The following DNAH11 variants were observed in gnomAD, a reference collection of about 807,000 sequenced individuals.
The protein encoded by DNAH11 is axonemal beta dynein heavy chain 11.
Under a neutral mutation model 526.0 loss-of-function variants are expected in DNAH11, and 442 were observed. The ratio of observed to expected loss-of-function variants is 0.84; its 90% CI spans 0.78 to 0.91. DNAH11 has a LOEUF of 0.91. Among genes scored for constraint, DNAH11 ranks in the 40% least tolerant of loss-of-function variants. The probability of loss-of-function intolerance (pLI) is 0.00; values close to 1 mark genes in which losing one functional copy is unlikely to be tolerated. For synonymous variants in DNAH11, 2,461 were observed against 1,935.9 expected (o/e 1.27, Z -7.12); for missense variants, 6,989 against 5,448.7 (o/e 1.28, Z -8.90).
At position 21,862,027 on chromosome 7, in the gene DNAH11, A is replaced by G. The variant is rs947563533; in HGVS notation, c.11373+4A>G. On this transcript the variant is annotated splice_donor_region_variant and intron_variant, in intron 69 of 81. Transcript: ENST00000409508. ...CCTGTCCCAGATGGCTTTTCAGGTA[A>G]GGAGATCAGTTACTTGAAAAAGGAT... The G allele has an allele frequency of 4.4e-6, 7 of 1,607,718 alleles. No individual in the cohort carries two copies. The highest frequency in any genetic ancestry group is 5.9e-6 in the Non-Finnish European group (7 of 1,177,042).
intron 46 of DNAH11, among the ~76,000 whole-genome samples, chr7:21,736,445 G>C (rs1047015121): frequency 1.3e-5 from 2 of 152,146 alleles, no homozygotes; most frequent in Non-Finnish European, 2.9e-5. Flanking sequence ...CTCCAGCAGG[G>C]AAAGGGGGCT....
Position 21,866,608 on chromosome 7 carries a change from C to G in DNAH11, c.11635C>G (p.Gln3879Glu), listed in dbSNP as rs780199383. ...PQEWKKKSLI[Q>E]KLILLRAMRP... The stretch of plus-strand genomic sequence containing the variant: ...AGAATGGAAGAAGAAAAGTTTAATA[C>G]AGAAGCTGATTCTTCTGAGAGCAAT... Residue 3879 changes from glutamine to glutamate, a missense_variant, in exon 71 of 82, where the codon CAG (glutamine) becomes GAG (glutamate). Coordinates refer to ENST00000409508, the MANE Select transcript of DNAH11 (RefSeq NM_001277115.2). The G allele has an allele frequency of 6.2e-7, 1 of 1,613,848 alleles. No homozygotes were observed. The highest frequency in any genetic ancestry group is 1.3e-5 in the African/African-American group (1 of 75,014).
At chr7:21,765,186 A>G (rs1473737288) in intron 54 of DNAH11, among the ~76,000 whole-genome samples, 1 of 151,038 alleles carries the variant, frequency 6.6e-6, no homozygotes, top group Non-Finnish European at 1.5e-5. Flanking sequence ...TGTTTAAGCA[A>G]AGAGAGACAA....
chr7:21,870,149 G>T (rs1319301164), intron 73 of DNAH11, among the ~76,000 whole-genome samples: 1 of 152,164 alleles, frequency 6.6e-6, no homozygotes, highest in Non-Finnish European at 1.5e-5. Context: ...GAGCCTCAAG[G>T]CCACAGGGCT....
intron 40 of DNAH11, among the ~76,000 whole-genome samples, chr7:21,710,194 C>T (rs1784408716): frequency 6.6e-6 from 1 of 152,130 alleles, no homozygotes; most frequent in Non-Finnish European, 1.5e-5. Flanking sequence ...AAAATGGATA[C>T]TGAACATATG....
chr7:21,680,881 CT>C (rs1209492402), intron 30 of DNAH11, among the ~76,000 whole-genome samples: 6 of 152,130 alleles, frequency 3.9e-5, no homozygotes, highest in Non-Finnish European at 8.8e-5. Flanking sequence ...TGTCATTTAG[CT>C]TTTACTATGC....
At chr7:21,553,971 C>T (rs1462245043) in intron 2 of DNAH11, among the ~76,000 whole-genome samples, 2 of 152,102 alleles carry the variant, frequency 1.3e-5, no homozygotes. Flanking sequence ...AGGCCTTGCC[C>T]TACTGGGTCC....
At chr7:21,886,775 G>T (rs1442265665) in intron 76 of DNAH11, among the ~76,000 whole-genome samples, 1 of 152,118 alleles carries the variant, frequency 6.6e-6, no homozygotes, top group Non-Finnish European at 1.5e-5. Context: ...ATAAATATAG[G>T]TGATGAAACC....
At chr7:21,869,078 T>C in intron 73 of DNAH11, 87 bp downstream of exon 73, 1 of 1,568,346 alleles carries the variant, frequency 6.4e-7, no homozygotes, top group South Asian at 1.2e-5. Context: ...AATGCTCCCT[T>C]AACACCGCTG....
At chr7:21,718,916 A>T (rs1441772321) in intron 43 of DNAH11, among the ~76,000 whole-genome samples, 1 of 152,186 alleles carries the variant, frequency 6.6e-6, no homozygotes, top group East Asian at 1.9e-4. Context: ...TAATTATCTG[A>T]GGTATAATTT....
intron 30 of DNAH11, among the ~76,000 whole-genome samples, chr7:21,676,847 C>T (rs996259397): frequency 6.6e-6 from 1 of 152,088 alleles, no homozygotes; most frequent in Admixed American, 6.5e-5. Context: ...AGAAAATATC[C>T]AAGGCCTAAA....
intron 42 of DNAH11, among the ~76,000 whole-genome samples, chr7:21,715,807 C>T (rs1263823753): frequency 3.3e-5 from 5 of 151,582 alleles, no homozygotes. Context: ...ACTCTCTATC[C>T]TATGCTATGT....
At chr7:21,738,247 C>T (rs1785703949) in intron 46 of DNAH11, among the ~76,000 whole-genome samples, 1 of 152,182 alleles carries the variant, frequency 6.6e-6, no homozygotes, top group Admixed American at 6.5e-5. Context: ...GTTCTTGTGC[C>T]TCTGCACTCC....
At chr7:21,625,342 C>G (rs1024139693) in intron 25 of DNAH11, among the ~76,000 whole-genome samples, 1 of 152,088 alleles carries the variant, frequency 6.6e-6, no homozygotes, top group Non-Finnish European at 1.5e-5. Context: ...CTTTGTATTT[C>G]TGTCGTATCA....
At position 21,787,463 on chromosome 7, in the gene DNAH11, A is replaced by G; in HGVS notation, c.9804A>G (p.Leu3268=). Residue 3268 remains leucine, a synonymous_variant, in exon 60 of 82, where the codon CTA becomes CTG. Transcript: ENST00000409508. ...YDKEHIPENC[L]KVVNEHYLKD... is the part of the protein sequence containing the mutation. ...AAGAGCACATTCCAGAGAACTGTCT[A>G]AAAGTGGTGAATGAACACTATTTGA... The G allele has an allele frequency of 6.2e-7, 1 of 1,613,766 alleles. No individual in the cohort carries two copies. The highest frequency in any genetic ancestry group is 2.2e-5 in the East Asian group (1 of 44,866).
At position 21,648,423 on chromosome 7, in the gene DNAH11, T is replaced by G. The variant is rs536174623; in HGVS notation, c.4945-7409T>G. On this transcript the variant is annotated intron_variant, in intron 28 of 81. Transcript: ENST00000409508. Reference sequence around the variant, plus strand: ...AAGCTTGAAAATTTTTTGTATATCATCACTTGCCCTTTTGCTGCTCTTTGA... The same window carrying G: ...AAGCTTGAAAATTTTTTGTATATCAGCACTTGCCCTTTTGCTGCTCTTTGA... Among the ~76,000 whole-genome samples, 14 of 152,328 alleles carry G rather than the reference T, an allele frequency of 9.2e-5. No homozygotes were observed. The South Asian group carries it at 2.9e-3, about 32-fold the overall frequency.
At chr7:21,790,450 A>C (rs1788433005) in intron 61 of DNAH11, among the ~76,000 whole-genome samples, 1 of 152,210 alleles carries the variant, frequency 6.6e-6, no homozygotes, top group South Asian at 2.1e-4. Flanking sequence ...ACTCCGTCTC[A>C]AACAACAAAA....
At chr7:21,746,862 C>T (rs941060426) in intron 51 of DNAH11, among the ~76,000 whole-genome samples, 1 of 152,064 alleles carries the variant, frequency 6.6e-6, no homozygotes, top group Non-Finnish European at 1.5e-5. Flanking sequence ...AATGCTGTCT[C>T]GGGTTGGGTT....
At chr7:21,631,545 A>C (rs1054108359) in intron 25 of DNAH11, among the ~76,000 whole-genome samples, 22 of 152,210 alleles carry the variant, frequency 1.4e-4, no homozygotes, top group Admixed American at 1.4e-3. Context: ...AGCCATTCCA[A>C]ATGGGAGAAA....
Sources: gnomAD v4.1 joint callset for allele counts (sites outside exome capture counted in the v4.1 genomes callset) on GRCh38, gnomAD v4.1.1 for gene constraint, MANE v1.5 for transcripts, NCBI Gene and HGNC (gene_info 2026-07-23, HGNC 2026-07-21) for gene names.